Variants in TACC1 observed in about 807,000 individuals in gnomAD.
TACC1 encodes transforming acidic coiled-coil containing protein 1, also known as transforming acidic coiled-coil-containing protein 1.
In TACC1, 48 loss-of-function variants were observed where a neutral mutation model predicts 84.4. The ratio of observed to expected loss-of-function variants is 0.57; its 90% CI spans 0.45 to 0.72. The LOEUF (loss-of-function observed/expected upper bound fraction) is 0.72. Among genes scored for constraint, TACC1 ranks in the 30% least tolerant of loss-of-function variants. The pLI, the probability that TACC1 is intolerant of heterozygous loss-of-function variation, is 0.00. For synonymous variants in TACC1, 372 were observed against 376.3 expected, an observed-to-expected ratio of 0.99 and a Z score of 0.13; for missense variants, 920 against 973.0, an observed-to-expected ratio of 0.95 and a Z score of 0.72.
intron 12 of TACC1, 35 bp downstream of exon 12, chr8:38,846,854 G>A (rs1832414003): frequency 6.2e-7 from 1 of 1,610,158 alleles, no homozygotes; most frequent in Non-Finnish European, 8.5e-7. Context: ...TGGCCACAGA[G>A]ACGTTTGGTT....
intron 1 of TACC1, among the ~76,000 whole-genome samples, chr8:38,740,256 T>C (rs1382618066): frequency 6.6e-6 from 1 of 152,204 alleles, no homozygotes; most frequent in Admixed American, 6.5e-5. Flanking sequence ...TCAGCCTGCT[T>C]GAATCCAGGT....
chr8:38,817,084 A>G (rs1160736606), intron 2 of TACC1, among the ~76,000 whole-genome samples: 1 of 152,198 alleles, frequency 6.6e-6, no homozygotes. Context: ...CAAAGACAAA[A>G]TACGTATTTT....
chr8:38,755,707 A>AAACAACAACAAC (rs71216684), intron 3 of TACC1, among the ~76,000 whole-genome samples: 1,591 of 140,890 alleles, frequency 0.011, 16 homozygotes, highest in East Asian at 0.014. Flanking sequence ...CGGTCTTTCA[A>AAACAACAACAAC]AACAACAACA....
chr8:38,768,952 C>G lies in TACC1; in HGVS notation c.27-19752C>G, dbSNP rs574385324. 5.9e-5 allele frequency among the ~76,000 whole-genome samples: 8 copies of G among 135,264 alleles called. No homozygotes were observed. In the East Asian group the frequency reaches 1.9e-3, roughly 31 times the overall value. 88.7% of individuals were successfully genotyped at this position (135,264 alleles called of 152,430 possible). ...TATGTGTGTGGGGTGTATATGTGTACATGAGACTGTGGGGATGGGAGTGTG... is the reference window on the plus strand; with the variant it reads ...TATGTGTGTGGGGTGTATATGTGTAGATGAGACTGTGGGGATGGGAGTGTG... On this transcript the variant is annotated intron_variant, in intron 3 of 14. Transcript: ENST00000518415.
rs770607395 is a variant in TACC1 at position 38,819,765 on chromosome 8, G to C, written c.521G>C (p.Cys174Ser). ...CTCGGAACAAAAGCAGCTCATGGCT[G>C]TGTAACTGCAGTCTCAGGCAAGGCT... ...AVLGTKAAHG[C>S]VTAVSGKALP... The change falls in exon 3 of 13, where the codon TGT becomes TCT. Residue 174 changes from cysteine (C) to serine (S), a missense_variant. Transcript: ENST00000317827. 6.2e-7 allele frequency: 1 copy of C among 1,614,026 alleles called. No individual in the cohort carries two copies. The highest frequency in any genetic ancestry group is 8.5e-7 in the Non-Finnish European group (1 of 1,180,042).
intron 1 of TACC1, among the ~76,000 whole-genome samples, chr8:38,731,202 G>T (rs1182098499): frequency 6.6e-6 from 1 of 152,178 alleles, no homozygotes; most frequent in South Asian, 2.1e-4. Context: ...GCTGCCCAAA[G>T]TGTCAGGATT....
chr8:38,780,699 T>G (rs1008691400), intron 3 of TACC1, among the ~76,000 whole-genome samples: 1 of 152,182 alleles, frequency 6.6e-6, no homozygotes, highest in South Asian at 2.1e-4. Context: ...TAAACATTAT[T>G]GACGAATTCT....
chr8:38,823,946 A>G lies in TACC1; in HGVS notation c.1392-1362A>G, dbSNP rs747345648. 66 of 1,331,350 alleles carry G rather than the reference A, an allele frequency of 5.0e-5. No individual in the cohort carries two copies. The South Asian group carries it at 7.5e-4, about 15-fold the overall frequency. The allele number at this position is 1,331,350 out of a possible 1,614,324, so 82.5% of individuals were successfully genotyped here. A position where few individuals can be genotyped will look rare whatever the true frequency, so the allele number is the denominator to read the frequency against. On this transcript the variant is annotated intron_variant, in intron 3 of 12. Coordinates refer to ENST00000317827, the MANE Select transcript of TACC1 (RefSeq NM_006283.3). ...CAGTCTTTACATGATTTTTTTCTCC[A>G]TCTGTCTGTCTCTTTCCTGTCTCTA... is the stretch of plus-strand genomic sequence containing the variant.
intron 1 of TACC1, among the ~76,000 whole-genome samples, chr8:38,733,819 G>A (rs73676494): frequency 0.016 from 2,432 of 152,118 alleles, 68 homozygotes; most frequent in African/African-American, 0.056. Flanking sequence ...ACCTTAAAAC[G>A]CACACTGGCC....
rs762424639 is a variant in TACC1 at position 38,846,793 on chromosome 8, T to A, written c.2323T>A (p.Ser775Thr). The change falls in exon 12 of 13, where the codon TCC (serine) becomes ACC (threonine). Residue 775 changes from serine (S) to threonine (T), a missense_variant. Physicochemically the swap from Ser to Thr is moderately conservative, Grantham distance 58. This residue lies in a region of TACC1 where 158 missense variants were observed against 225.6 expected (regional missense o/e 0.70). Transcript: ENST00000317827. ...CCGCAAAGAGCAGATGAAGGTGGAG[T>A]CCCTGGAAAGGGCCCTGCAGCAGAA... The part of the protein sequence containing the change: ...GLRKEQMKVE[S>T]LERALQQKNQ... 6.2e-7 allele frequency: 1 copy of A among 1,613,992 alleles called. No individual in the cohort carries two copies. Among genetic ancestry groups the A allele is most frequent in the South Asian group, 1.1e-5 (1 of 91,074 alleles).
intron 6 of TACC1, among the ~76,000 whole-genome samples, chr8:38,835,589 C>T (rs902850258): frequency 6.6e-6 from 1 of 152,202 alleles, no homozygotes; most frequent in East Asian, 1.9e-4. Context: ...TGCGGAGCAG[C>T]GGAAGTTCAG....
At chr8:38,783,074 C>A (rs936607103), upstream of TACC1, among the ~76,000 whole-genome samples, 1 of 78,592 alleles carries the variant, frequency 1.3e-5, no homozygotes, top group Non-Finnish European at 2.5e-5. Context: ...AAATATCTAT[C>A]TATCTATCTA....
chr8:38,745,452 C>T (rs1268437254), exon 3 of TACC1: 1 of 674,132 alleles, frequency 1.5e-6, no homozygotes, highest in Non-Finnish European at 2.7e-6. Flanking sequence ...AAAAGTCAAT[C>T]AAATCTGACC....
intron 3 of TACC1, chr8:38,824,521 A>C (rs1404477173): frequency 6.6e-6 from 1 of 152,398 alleles, no homozygotes; most frequent in Non-Finnish European, 1.5e-5. Context: ...CCGGTAACTT[A>C]TGTGCTTGTC....
chr8:38,829,002 C>G (rs1828708104), intron 5 of TACC1, among the ~76,000 whole-genome samples: 1 of 152,128 alleles, frequency 6.6e-6, no homozygotes, highest in African/African-American at 2.4e-5. Context: ...CTGGGCTAAC[C>G]AGGGTGGAAG....
rs545411045 is a variant in TACC1 at position 38,803,251 on chromosome 8, C to T, written c.277+14432C>T. ...TTTTACTTCCTTTCCAATAGGGATA[C>T]CTTTTATTTCTTTTCTTGCCAGTTA... On this transcript the variant is annotated intron_variant, in intron 2 of 12. Transcript: ENST00000317827. Among the ~76,000 whole-genome samples the T allele has an allele frequency of 5.3e-5, 8 of 152,260 alleles. No homozygotes were observed. The South Asian group carries it at 1.7e-3, about 32-fold the overall frequency.
intron 2 of TACC1, among the ~76,000 whole-genome samples, chr8:38,791,466 G>A (rs965253721): frequency 1.1e-4 from 16 of 152,116 alleles, no homozygotes; most frequent in Admixed American, 2.0e-4. Context: ...AGGGTCCTTG[G>A]GTGCAACATC....
At chr8:38,767,173 T>G (rs117665817) in intron 3 of TACC1, among the ~76,000 whole-genome samples, 2,038 of 152,288 alleles carry the variant, frequency 0.013, 32 homozygotes, top group Admixed American at 0.021. Flanking sequence ...TGTTCTTAAA[T>G]AGGGGTTTGA....
chr8:38,817,266 G>T (rs2097126385), intron 2 of TACC1, among the ~76,000 whole-genome samples: 1 of 152,208 alleles, frequency 6.6e-6, no homozygotes, highest in Non-Finnish European at 1.5e-5. Context: ...GCCTTAGGGT[G>T]CTGATGGCTT....
Sources: gnomAD v4.1 joint callset for allele counts (sites outside exome capture counted in the v4.1 genomes callset) on GRCh38, gnomAD v4.1.1 for gene constraint, gnomAD v4.1.1 regional missense constraint, MANE v1.5 for transcripts, NCBI Gene and HGNC (gene_info 2026-07-23, HGNC 2026-07-21) for gene names.